Variants in ZNF599 observed in about 807,000 individuals in gnomAD.
ZNF599 encodes zinc finger protein 599.
A neutral mutation model predicts 11.7 loss-of-function variants in ZNF599; 10 were observed. The observed-to-expected ratio is 0.86, with a 90% CI of 0.53 to 1.45. The LOEUF is 1.45. Ranked by LOEUF, ZNF599 falls within the 40% of genes most tolerant of loss-of-function variation. ZNF599 has a pLI of 0.00. For missense variants in ZNF599, 688 were observed against 713.6 expected (o/e 0.96, Z 0.41); for synonymous variants, 232 against 253.2 (o/e 0.92, Z 0.79).
At chr19:34,780,343 A>T in the ZNF599 span, among the ~76,000 whole-genome samples, 3 of 152,036 alleles carry the variant, frequency 2.0e-5, no homozygotes. Context: ...CCCTGTCTCT[A>T]CAAAAAAATT....
chr19:34,772,639 T>C, intron 1 of ZNF599, 185 bp downstream of exon 1: 3 of 1,392,722 alleles, frequency 2.2e-6, no homozygotes, highest in Non-Finnish European at 2.8e-6. Context: ...ACTCCTGTCC[T>C]GGATTCAGGA....
upstream of ZNF599, among the ~76,000 whole-genome samples, chr19:34,777,255 T>C (rs999742648): frequency 2.4e-5 from 3 of 126,604 alleles, no homozygotes; most frequent in Non-Finnish European, 3.2e-5. Context: ...TTAAAATATA[T>C]ATTATATATA....
chr19:34,761,040 AG>A (rs2069110182), intron 3 of ZNF599, among the ~76,000 whole-genome samples: 1 of 152,144 alleles, frequency 6.6e-6, no homozygotes, highest in Admixed American at 6.5e-5. Context: ...AGGAATTAGG[AG>A]GGAAACTTCG....
At chr19:34,760,657 T>C (rs911651045) in intron 3 of ZNF599, 98 bp from the exon 4 acceptor site, 15 of 1,075,106 alleles carry the variant, frequency 1.4e-5, no homozygotes, top group Non-Finnish European at 2.0e-5. Flanking sequence ...GAAAACAGTG[T>C]CTCTGATGCC....
Position 34,759,966 on chromosome 19 carries a change from C to A in ZNF599, c.835G>T (p.Gly279Ter). 1 of 1,614,158 alleles carries A rather than the reference C, an allele frequency of 6.2e-7. No individual in the cohort carries two copies. The highest frequency in any genetic ancestry group is 1.1e-5 in the South Asian group (1 of 91,074). Residue 279 changes from glycine to a stop codon, truncating the protein, a stop_gained, in exon 4 of 4, where the codon GGA (glycine) becomes TGA (stop). Transcript: ENST00000329285. LOFTEE classifies it low-confidence loss of function (END_TRUNC). ...TCTTTGCACTCATAGGGCTTATCTC[C>A]GGTGTGAATACGCTGGTGCTCCGTG... ...HLTEHQRIHTGDKPYECKECG... is the reference protein window; with the variant it reads ...HLTEHQRIHT
chr19:34,760,197 T>C lies in ZNF599; in HGVS notation c.604A>G (p.Thr202Ala). The change falls in exon 4 of 4, where the codon ACG becomes GCG. Residue 202 changes from threonine to alanine, a missense_variant. Physicochemically the swap from Thr to Ala is moderately conservative, Grantham distance 58. Coordinates refer to ENST00000329285, the MANE Select transcript of ZNF599 (RefSeq NM_001007248.3). ...TTGCTAAACCCTTTCCCACATTCCG[T>C]GCATGTGTAAGGGTTATTCCTTGCA... ...TDARNNPYTC[T>A]ECGKGFSKKW... 6.2e-7 allele frequency: 1 copy of C among 1,614,168 alleles called. No individual in the cohort carries two copies. The highest frequency in any genetic ancestry group is 1.3e-5 in the African/African-American group (1 of 75,046).
Position 34,760,135 on chromosome 19 carries a change from A to G in ZNF599, c.666T>C (p.Ala222=), listed in dbSNP as rs1366937709. The G allele has an allele frequency of 6.2e-7, 1 of 1,614,188 alleles. No homozygotes were observed. Among genetic ancestry groups the G allele is most frequent in the Non-Finnish European group, 8.5e-7 (1 of 1,180,010 alleles). ...CATTGCACTCATAGGGCTTCACTCC[A>G]GCATGAATCTGTTGATGCCGAACAA... is the stretch of plus-strand genomic sequence containing the variant. ...WALVRHQQIH[A]GVKPYECNEC... The change falls in exon 4 of 4, where the codon GCT becomes GCC. Residue 222 remains alanine, a synonymous_variant. Coordinates refer to ENST00000329285, the MANE Select transcript of ZNF599 (RefSeq NM_001007248.3).
chr19:34,804,375 G>A, the ZNF599 span, among the ~76,000 whole-genome samples: 1 of 152,334 alleles, frequency 6.6e-6, no homozygotes, highest in East Asian at 1.9e-4. Flanking sequence ...TTCAGGCTCA[G>A]TTCTCTCCCT....
Position 34,769,526 on chromosome 19 carries a change from CACA to C in ZNF599, c.45_47del (p.Val16del). 1 of 1,614,110 alleles carries C rather than the reference CACA, an allele frequency of 6.2e-7. No individual in the cohort carries two copies. Among genetic ancestry groups the C allele is most frequent in the South Asian group, 1.1e-5 (1 of 91,078 alleles). On this transcript the variant is annotated inframe_deletion, in exon 2 of 4. Coordinates refer to ENST00000329285, the MANE Select transcript of ZNF599 (RefSeq NM_001007248.3). ...GCCCCCATTCCTCTCCAGTGAAGGT[CACA>C]ACCACGTCTTCAAATGATACTAATG...
chr19:34,776,291 A>G (rs1165580634), upstream of ZNF599, among the ~76,000 whole-genome samples: 2 of 152,242 alleles, frequency 1.3e-5, no homozygotes, highest in African/African-American at 4.8e-5. Context: ...GCTTTAGGCA[A>G]TCATGCAATC....
chr19:34,802,519 G>A, the ZNF599 span, among the ~76,000 whole-genome samples: 1 of 152,222 alleles, frequency 6.6e-6, no homozygotes, highest in Non-Finnish European at 1.5e-5. Context: ...GTATGTGTGG[G>A]CCAGTGTTGG....
chr19:34,766,567 T>G (rs1313469447), intron 3 of ZNF599, among the ~76,000 whole-genome samples: 1 of 152,236 alleles, frequency 6.6e-6, no homozygotes, highest in Non-Finnish European at 1.5e-5. Context: ...GTTGAGCCAC[T>G]CCGGGTCAGG....
upstream of ZNF599, among the ~76,000 whole-genome samples, chr19:34,777,919 C>T (rs116635080): frequency 1.2e-3 from 183 of 151,600 alleles, 1 homozygote; most frequent in African/African-American, 4.2e-3. Flanking sequence ...CTGTAGTTAA[C>T]GATATTGTAT....
At chr19:34,779,055 T>G in the ZNF599 span, among the ~76,000 whole-genome samples, 1 of 152,058 alleles carries the variant, frequency 6.6e-6, no homozygotes, top group African/African-American at 2.4e-5. Context: ...AAACTGGAAC[T>G]CACCAACACT....
At chr19:34,765,341 C>G in intron 3 of ZNF599, 1 of 531,770 alleles carries the variant, frequency 1.9e-6, no homozygotes, top group South Asian at 2.8e-5. Flanking sequence ...ACTGGAACAT[C>G]CGTCTTGCTG....
At chr19:34,787,528 G>A in the ZNF599 span, among the ~76,000 whole-genome samples, 1,270 of 152,272 alleles carry the variant, frequency 8.3e-3, 15 homozygotes, top group African/African-American at 0.03. Flanking sequence ...AGGATTCAAC[G>A]CTTGAGAACA....
chr19:34,787,844 C>T, the ZNF599 span, among the ~76,000 whole-genome samples: 1 of 152,178 alleles, frequency 6.6e-6, no homozygotes, highest in Non-Finnish European at 1.5e-5. Flanking sequence ...TTCCTAAGCA[C>T]CTACTCAGTT....
At chr19:34,801,653 C>A in the ZNF599 span, among the ~76,000 whole-genome samples, 1,032 of 152,348 alleles carry the variant, frequency 6.8e-3, 7 homozygotes, top group African/African-American at 0.024. Context: ...GAGTTCACTG[C>A]ACTTCTCATC....
intron 3 of ZNF599, among the ~76,000 whole-genome samples, chr19:34,762,228 C>T (rs1026970449): frequency 6.6e-6 from 1 of 152,158 alleles, no homozygotes; most frequent in Non-Finnish European, 1.5e-5. Flanking sequence ...GCCCAGTCAA[C>T]ATAAGAAGTG....
Sources: allele counts gnomAD v4.1 joint callset (sites outside exome capture counted in the v4.1 genomes callset), GRCh38; gene constraint gnomAD v4.1.1; transcripts MANE v1.5; gene names NCBI Gene and HGNC (gene_info 2026-07-23, HGNC 2026-07-21).